TRAPPC2B: variants seen among roughly 807,000 people sequenced by gnomAD.
TRAPPC2B encodes MBP-1 interacting protein-2A.
In TRAPPC2B, 5 loss-of-function variants were observed where a neutral mutation model predicts 8.4. The ratio of observed to expected loss-of-function variants is 0.59; its 90% CI spans 0.31 to 1.25. The LOEUF is 1.25. Among genes scored for constraint, TRAPPC2B ranks in the 50% most tolerant of loss-of-function variants. The probability of loss-of-function intolerance (pLI) is 0.06; values close to 1 mark genes in which losing one functional copy is unlikely to be tolerated. For missense variants in TRAPPC2B, 161 were observed against 173.2 expected (o/e 0.93, Z 0.40); for synonymous variants, 46 against 58.1 (o/e 0.79, Z 0.95).
In TRAPPC2B at chr19:57,364,575, T is replaced by C. The variant is rs2088448921; in HGVS notation, c.-19-240T>C. 4 of 533,354 alleles carry C rather than the reference T, an allele frequency of 7.5e-6. No homozygotes were observed. The South Asian group carries it at 8.5e-5, about 11-fold the overall frequency. The allele number at this position is 533,354 out of a possible 1,614,324, so 33.0% of individuals were successfully genotyped here. ...GACCAACATGGTGAAACCCCGTCTT[T>C]AGTAAAAATACAAAAATTAGCCGGG... On this transcript the variant is annotated intron_variant, in intron 1 of 1. Transcript: ENST00000543226.
chr19:57,364,048 TCC>T (rs1453239688), intron 1 of TRAPPC2B: 58 of 152,204 alleles, frequency 3.8e-4, no homozygotes, highest in African/African-American at 1.3e-3. Context: ...GAGGGGCAGG[TCC>T]AGAGTTAGAA....
intron 1 of TRAPPC2B, chr19:57,364,444 TCAAAA>T: frequency 9.8e-6 from 2 of 204,440 alleles, no homozygotes; most frequent in Middle Eastern, 2.1e-3. Context: ...TGTAGATTCT[TCAAAA>T]GAATAGAGGG....
intron 1 of TRAPPC2B, chr19:57,364,442 CTTCAAAAGAATAGA>C: frequency 1.4e-4 from 28 of 197,906 alleles, no homozygotes; most frequent in South Asian, 8.1e-4. Context: ...GGTGTAGATT[CTTCAAAAGAATAGA>C]GGGTGGCCGG....
At chr19:57,364,467 G>GATGAAAAAA in intron 1 of TRAPPC2B, 1 of 259,638 alleles carries the variant, frequency 3.9e-6, no homozygotes. Context: ...GGGTGGCCGG[G>GATGAAAAAA]CGTGGTGGCT....
At position 57,365,265 on chromosome 19, in the gene TRAPPC2B, A is replaced by G. The variant is rs1288596851; in HGVS notation, c.*9A>G. 6.5e-7 allele frequency: 1 copy of G among 1,527,640 alleles called. No homozygotes were observed. The highest frequency in any genetic ancestry group is 8.9e-7 in the Non-Finnish European group (1 of 1,123,558). 94.6% of individuals were successfully genotyped at this position (1,527,640 alleles called of 1,614,324 possible). A position where few individuals can be genotyped will look rare whatever the true frequency, so the allele number is the denominator to read the frequency against. On this transcript the variant is annotated 3_prime_UTR_variant, in exon 2 of 2. Transcript: ENST00000543226. ...AACACCTTTTAAGCTGAATGGAGAA[A>G]ATTCCAAAATAAATTATATCACCAC...
chr19:57,365,243 AC>A lies in TRAPPC2B; in HGVS notation c.412del (p.Leu138PhefsTer2), dbSNP rs2088458571. 1 of 1,566,702 alleles carries A rather than the reference AC, an allele frequency of 6.4e-7. No individual in the cohort carries two copies. Among genetic ancestry groups the A allele is most frequent in the East Asian group, 2.4e-5 (1 of 42,524 alleles). On this transcript the variant is annotated frameshift_variant, in exon 2 of 2. Coordinates refer to ENST00000543226, the MANE Select transcript of TRAPPC2B (RefSeq NM_001355204.2). LOFTEE classifies it high-confidence loss of function. Reference sequence around the variant, plus strand: ...AAAGTTCAGTTTCTTGGGAAGAAACACCTTTTAAGCTGAATGGAGAAAATTC... The same window carrying A: ...AAAGTTCAGTTTCTTGGGAAGAAACACTTTTAAGCTGAATGGAGAAAATTC... ...DRKVQFLGKKHLLS is the reference protein window; with the variant it reads ...DRKVQFLGKKXLLS
chr19:57,364,396 G>A (rs531712614), intron 1 of TRAPPC2B: 88 of 184,278 alleles, frequency 4.8e-4, no homozygotes, highest in Non-Finnish European at 8.8e-4. Flanking sequence ...ACATGGGTAG[G>A]GGGACAGAAA....
rs532738109 is a variant in TRAPPC2B, at chr19:57,364,806, C to A, written c.-19-9C>A. On this transcript the variant is annotated splice_polypyrimidine_tract_variant and intron_variant, in intron 1 of 1. Coordinates refer to ENST00000543226, the MANE Select transcript of TRAPPC2B (RefSeq NM_001355204.2). Reference sequence around the variant, plus strand: ...ACATTGCGTTTCCGTTGTCGGCCTCCCGCTGCAGGAGCCATATATTGAAGA... The same window carrying A: ...ACATTGCGTTTCCGTTGTCGGCCTCACGCTGCAGGAGCCATATATTGAAGA... The A allele has an allele frequency of 1.9e-6, 3 of 1,565,658 alleles. No individual in the cohort carries two copies. Among genetic ancestry groups the A allele is most frequent in the Admixed American group, 3.6e-5 (2 of 55,788 alleles).
intron 1 of TRAPPC2B, 88 bp from the exon 2 acceptor site, chr19:57,364,727 C>G: frequency 1.1e-6 from 1 of 945,482 alleles, no homozygotes; most frequent in South Asian, 1.5e-5. Flanking sequence ...GGCGACAGAG[C>G]GAGATTCCGT....
At position 57,365,142 on chromosome 19, in the gene TRAPPC2B, TG is replaced by T; in HGVS notation, c.310del (p.Asp104IlefsTer4). The T allele has an allele frequency of 1.2e-6, 2 of 1,601,700 alleles. No homozygotes were observed. The highest frequency in any genetic ancestry group is 1.7e-6 in the Non-Finnish European group (2 of 1,172,282). On this transcript the variant is annotated frameshift_variant, in exon 2 of 2. Transcript: ENST00000543226. LOFTEE classifies it high-confidence loss of function. ...GIKNFFTDVY[D>X]LYIKFSMNPF... ...TAAAGAACTTCTTTACTGATGTTTA[TG>T]ATTTATATATAAAATTTTCAATGAA...
intron 1 of TRAPPC2B, chr19:57,364,016 G>A (rs1218202237): frequency 6.6e-6 from 1 of 152,352 alleles, no homozygotes; most frequent in Non-Finnish European, 1.5e-5. Flanking sequence ...ACCATGGAAG[G>A]TTGTCAAGGG....
Position 57,365,377 on chromosome 19 carries a change from C to T in TRAPPC2B, c.*121C>T, listed in dbSNP as rs1236566967. 5.6e-6 allele frequency: 4 copies of T among 713,734 alleles called. No individual in the cohort carries two copies. Among genetic ancestry groups the T allele is most frequent in the African/African-American group, 3.6e-5 (2 of 55,586 alleles). 44.2% of individuals were successfully genotyped at this position (713,734 alleles called of 1,614,324 possible). On this transcript the variant is annotated 3_prime_UTR_variant, in exon 2 of 2. Transcript: ENST00000543226. ...TTTGTGTATTCTCAGCTTATCTAAA[C>T]TTAATGAAATTTCTTTTATATTTAA... is the stretch of plus-strand genomic sequence containing the variant.
At chr19:57,364,322 T>C (rs1479843382) in intron 1 of TRAPPC2B, 1 of 155,804 alleles carries the variant, frequency 6.4e-6, no homozygotes. Context: ...GTAGGTTTCA[T>C]GGAGAAGATC....
At chr19:57,364,473 T>G in intron 1 of TRAPPC2B, 1 of 329,008 alleles carries the variant, frequency 3.0e-6, no homozygotes, top group Non-Finnish European at 5.8e-6. Context: ...CCGGGCGTGG[T>G]GGCTCACGCC....
At position 57,364,811 on chromosome 19, in the gene TRAPPC2B, G is replaced by T. The variant is rs1316338937; in HGVS notation, c.-19-4G>T. 6.3e-7 allele frequency: 1 copy of T among 1,578,422 alleles called. No individual in the cohort carries two copies. The highest frequency in any genetic ancestry group is 8.7e-7 in the Non-Finnish European group (1 of 1,155,472). ...GCGTTTCCGTTGTCGGCCTCCCGCT[G>T]CAGGAGCCATATATTGAAGACCATG... On this transcript the variant is annotated splice_polypyrimidine_tract_variant and splice_region_variant and intron_variant, in intron 1 of 1. Coordinates refer to ENST00000543226, the MANE Select transcript of TRAPPC2B (RefSeq NM_001355204.2).
intron 1 of TRAPPC2B, chr19:57,364,513 C>G: frequency 2.6e-6 from 1 of 390,712 alleles, no homozygotes; most frequent in South Asian, 2.5e-5. Flanking sequence ...GAGGCCAAGG[C>G]GAGCGGATCA....
intron 1 of TRAPPC2B, chr19:57,364,225 GAGCAA>G: frequency 6.4e-6 from 1 of 156,392 alleles, no homozygotes; most frequent in South Asian, 1.9e-4. Flanking sequence ...ATATGTCTGT[GAGCAA>G]AAATAGGGAG....
rs2123008121 is a variant in TRAPPC2B at position 57,365,001 on chromosome 19, GAAC to G, written c.173_175del (p.Asn58del). The G allele has an allele frequency of 6.2e-7, 1 of 1,612,606 alleles. No homozygotes were observed. The highest frequency in any genetic ancestry group is 8.5e-7 in the Non-Finnish European group (1 of 1,178,890). On this transcript the variant is annotated inframe_deletion, in exon 2 of 2. Coordinates refer to ENST00000543226, the MANE Select transcript of TRAPPC2B (RefSeq NM_001355204.2). The stretch of plus-strand genomic sequence containing the variant: ...TCGTAGATGAGAACATGTGGCTGTC[GAAC>G]AACATGTACTTGAAAACTGTGGACA...
In TRAPPC2B at chr19:57,364,848, C is replaced by T; in HGVS notation, c.15C>T (p.Phe5=). Residue 5 remains phenylalanine (F), a synonymous_variant, in exon 2 of 2, where the codon TTC becomes TTT. Coordinates refer to ENST00000543226, the MANE Select transcript of TRAPPC2B (RefSeq NM_001355204.2). ...TATTGAAGACCATGTCTGGAAGCTTCTACTTTGTAATTGTTGGTCACCATG... is the reference window on the plus strand; with the variant it reads ...TATTGAAGACCATGTCTGGAAGCTTTTACTTTGTAATTGTTGGTCACCATG... MSGS[F]YFVIVGHHDN... The T allele has an allele frequency of 6.2e-7, 1 of 1,608,628 alleles. No individual in the cohort carries two copies. Among genetic ancestry groups the T allele is most frequent in the Non-Finnish European group, 8.5e-7 (1 of 1,176,568 alleles).
Sources: gnomAD v4.1 joint callset for allele counts on GRCh38, gnomAD v4.1.1 for gene constraint, MANE v1.5 for transcripts, NCBI Gene and HGNC (gene_info 2026-07-23, HGNC 2026-07-21) for gene names.